Variants in LIN54 observed in about 807,000 individuals in gnomAD.
LIN54 encodes the protein protein lin-54 homolog.
Under a neutral mutation model 78.7 loss-of-function variants are expected in LIN54, and 9 were observed. The observed-to-expected ratio is 0.11, with a 90% CI of 0.07 to 0.20. LIN54 has a LOEUF of 0.20. Among genes scored for constraint, LIN54 ranks in the 10% least tolerant of loss-of-function variants. The probability of loss-of-function intolerance (pLI) is 1.00; values close to 1 mark genes in which losing one functional copy is unlikely to be tolerated. For synonymous variants in LIN54, 269 were observed against 318.4 expected, an observed-to-expected ratio of 0.84 and a Z score of 1.65; for missense variants, 573 against 889.9, an observed-to-expected ratio of 0.64 and a Z score of 4.53.
chr4:82,991,867 T>G (rs887431373), intron 1 of LIN54, among the ~76,000 whole-genome samples: 1 of 152,222 alleles, frequency 6.6e-6, no homozygotes, highest in Non-Finnish European at 1.5e-5. Context: ...ATTGCTAAAT[T>G]ATATTTTGCT....
At chr4:83,007,062 C>T (rs150957890) in intron 1 of LIN54, among the ~76,000 whole-genome samples, 232 of 152,220 alleles carry the variant, frequency 1.5e-3, no homozygotes, top group African/African-American at 5.4e-3. Context: ...ATCGCTTGAA[C>T]CCGGGAGGTG....
In LIN54 at chr4:82,938,477, C is replaced by T. The variant is rs749590145; in HGVS notation, c.1468G>A (p.Ala490Thr). The T allele has an allele frequency of 4.3e-6, 7 of 1,610,310 alleles. No individual in the cohort carries two copies. Among genetic ancestry groups the T allele is most frequent in the African/African-American group, 1.3e-5 (1 of 74,820 alleles). Residue 490 changes from alanine (A) to threonine (T), a missense_variant, in exon 8 of 13, where the codon GCA becomes ACA. By Grantham distance (58) the Ala-to-Thr change is moderately conservative. Coordinates refer to ENST00000340417, the MANE Select transcript of LIN54 (RefSeq NM_194282.4). ...GTTCCAGTAAAGGTAGAGTTGCTTG[C>T]TATTGATACATATGAAGACTGCTGT... ...QLQQSSYVSI[A>T]SNSTFTGTSG... is the part of the protein sequence containing the mutation.
chr4:82,940,634 C>T (rs1027699002), intron 5 of LIN54, among the ~76,000 whole-genome samples: 2 of 152,246 alleles, frequency 1.3e-5, no homozygotes, highest in African/African-American at 4.8e-5. Flanking sequence ...CTCCCGACCT[C>T]AGGTGATCCA....
intron 3 of LIN54, among the ~76,000 whole-genome samples, chr4:82,974,080 G>A (rs1304404446): frequency 6.6e-6 from 1 of 151,896 alleles, no homozygotes; most frequent in Non-Finnish European, 1.5e-5. Context: ...TGTGGTGGCA[G>A]GCACCTGTAG....
At chr4:82,973,173 A>C (rs1414110587) in intron 3 of LIN54, among the ~76,000 whole-genome samples, 1 of 152,180 alleles carries the variant, frequency 6.6e-6, no homozygotes, top group Non-Finnish European at 1.5e-5. Flanking sequence ...AAGATGAACA[A>C]AGAAAAAAAT....
At chr4:82,965,586 G>C in intron 4 of LIN54, among the ~76,000 whole-genome samples, 1 of 152,162 alleles carries the variant, frequency 6.6e-6, no homozygotes. Flanking sequence ...GAGATAAAAG[G>C]AACATTCAAT....
intron 1 of LIN54, among the ~76,000 whole-genome samples, chr4:83,009,863 T>C (rs1270519260): frequency 1.3e-5 from 2 of 152,160 alleles, no homozygotes; most frequent in African/African-American, 4.8e-5. Context: ...ATAACTTTAC[T>C]CTCTGAATTC....
intron 1 of LIN54, among the ~76,000 whole-genome samples, chr4:82,997,192 CTG>C (rs891718567): frequency 6.6e-6 from 1 of 152,030 alleles, no homozygotes; most frequent in Non-Finnish European, 1.5e-5. Flanking sequence ...GTCACCTAAA[CTG>C]TAGAATTATT....
At chr4:82,962,725 C>A (rs1414962815) in intron 4 of LIN54, among the ~76,000 whole-genome samples, 3 of 150,750 alleles carry the variant, frequency 2.0e-5, no homozygotes, top group African/African-American at 7.3e-5. Context: ...TATTTGTAGA[C>A]TCCAAACAAC....
At chr4:83,012,364 G>A (rs1333045371), upstream of LIN54, among the ~76,000 whole-genome samples, 1 of 151,544 alleles carries the variant, frequency 6.6e-6, no homozygotes, top group Admixed American at 6.6e-5. Context: ...GCGGCGGCGG[G>A]CAGTAGGGAG....
chr4:82,971,217 T>G (rs1198105016), intron 3 of LIN54, among the ~76,000 whole-genome samples: 1 of 152,204 alleles, frequency 6.6e-6, no homozygotes, highest in African/African-American at 2.4e-5. Context: ...CACCAAGTAT[T>G]CTAGCTTTCT....
In LIN54 at chr4:83,003,806, A is replaced by G. The variant is rs368870160; in HGVS notation, c.-33+6678T>C. 2.2e-4 allele frequency among the ~76,000 whole-genome samples: 34 copies of G among 152,316 alleles called. No homozygotes were observed. In the East Asian group the frequency reaches 6.2e-3, roughly 28 times the overall value. On this transcript the variant is annotated intron_variant, in intron 1 of 12. Coordinates refer to ENST00000340417, the MANE Select transcript of LIN54 (RefSeq NM_194282.4). ...CTCACAGAGTGCTGGAATTACAGGC[A>G]TGAGCTACTGCACCTGACCTAATTT... is the stretch of plus-strand genomic sequence containing the variant.
chr4:82,970,321 T>C lies in LIN54; in HGVS notation c.951+6A>G, dbSNP rs1725534500. 6.2e-7 allele frequency: 1 copy of C among 1,603,646 alleles called. No individual in the cohort carries two copies. The highest frequency in any genetic ancestry group is 8.5e-7 in the Non-Finnish European group (1 of 1,176,490). Reference sequence around the variant, plus strand: ...TTTGGTATTTGTGGCTAATTTATTTTTTTACCTTATTTGGCGATTTCAAAG... The same window carrying C: ...TTTGGTATTTGTGGCTAATTTATTTCTTTACCTTATTTGGCGATTTCAAAG... On this transcript the variant is annotated splice_donor_region_variant and intron_variant, in intron 4 of 12. Coordinates refer to ENST00000340417, the MANE Select transcript of LIN54 (RefSeq NM_194282.4).
intron 1 of LIN54, among the ~76,000 whole-genome samples, chr4:82,990,821 T>C (rs1023932010): frequency 2.0e-5 from 3 of 152,116 alleles, no homozygotes; most frequent in Non-Finnish European, 4.4e-5. Context: ...AAAGCAAACC[T>C]GCTCTTTGCC....
intron 1 of LIN54, among the ~76,000 whole-genome samples, chr4:82,998,045 C>T (rs202094298): frequency 1.6e-3 from 27 of 16,664 alleles, no homozygotes; most frequent in Non-Finnish European, 3.6e-3. Flanking sequence ...TATACACACA[C>T]GTATATATAT....
intron 4 of LIN54, among the ~76,000 whole-genome samples, chr4:82,960,758 G>A (rs1448673309): frequency 6.6e-6 from 1 of 152,062 alleles, no homozygotes; most frequent in African/African-American, 2.4e-5. Context: ...GTGTATTTCA[G>A]TGTATAAGTA....
At chr4:82,935,887 C>G in intron 11 of LIN54, 94 bp downstream of exon 11, 1 of 1,251,880 alleles carries the variant, frequency 8.0e-7, no homozygotes, top group Non-Finnish European at 1.2e-6. Flanking sequence ...ATTGCAATAG[C>G]AAGGTGATTT....
chr4:82,970,492 C>A, intron 3 of LIN54, 23 bp from the exon 4 acceptor site: 2 of 1,589,894 alleles, frequency 1.3e-6, no homozygotes, highest in South Asian at 2.3e-5. Context: ...GGCAGCACAT[C>A]AGTTTGACTT....
At chr4:83,010,343 C>A (rs1344223625) in intron 1 of LIN54, 141 bp downstream of exon 1, 2 of 280,916 alleles carry the variant, frequency 7.1e-6, no homozygotes, top group African/African-American at 4.6e-5. Context: ...ATGTTGATGT[C>A]ATGACGAGGC....
Sources: gnomAD v4.1 joint callset for allele counts (sites outside exome capture counted in the v4.1 genomes callset) on GRCh38, gnomAD v4.1.1 for gene constraint, MANE v1.5 for transcripts, NCBI Gene and HGNC (gene_info 2026-07-23, HGNC 2026-07-21) for gene names.